SYTL2: variants seen among roughly 807,000 people sequenced by gnomAD.
SYTL2 encodes synaptotagmin-like protein 2.
In SYTL2, 165 loss-of-function variants were observed where a neutral mutation model predicts 198.7. The observed-to-expected ratio is 0.83, with a 90% CI of 0.73 to 0.94. The LOEUF (loss-of-function observed/expected upper bound fraction) is 0.94. Ranked by LOEUF, SYTL2 falls within the 40% of genes least tolerant of loss-of-function variation. The pLI is 0.00. For synonymous variants in SYTL2, 966 were observed against 917.7 expected (o/e 1.05, Z -0.95); for missense variants, 2,835 against 2,582.8 (o/e 1.10, Z -2.12).
Position 85,724,260 on chromosome 11 carries a change from C to G in SYTL2, c.5098G>C (p.Glu1700Gln). The change falls in exon 8 of 20, where the codon GAA becomes CAA. Residue 1700 changes from glutamate (E) to glutamine (Q), a missense_variant. Transcript: ENST00000359152. ...TCAGAAGCCTCTCCAAAGCCAGGTT[C>G]CTGAAGAGTCCCTTGTCCCCCTGCA... The part of the protein sequence containing the change: ...GVAGGQGTLQ[E>Q]PGFGEASEAI... The G allele has an allele frequency of 1.3e-6, 2 of 1,566,124 alleles. No homozygotes were observed. Among genetic ancestry groups the G allele is most frequent in the Non-Finnish European group, 1.7e-6 (2 of 1,161,986 alleles).
chr11:85,719,177 T>A, intron 9 of SYTL2: 2 of 1,314,452 alleles, frequency 1.5e-6, no homozygotes, highest in Non-Finnish European at 2.0e-6. Context: ...GTAAAGGGTA[T>A]GATGCTAGCC....
In SYTL2 at chr11:85,757,949, G is replaced by C; in HGVS notation, c.-224C>G. The C allele has an allele frequency of 5.6e-6, 3 of 535,412 alleles. No individual in the cohort carries two copies. Among genetic ancestry groups the C allele is most frequent in the Non-Finnish European group, 6.6e-6 (2 of 303,106 alleles). 33.2% of individuals were successfully genotyped at this position (535,412 alleles called of 1,614,324 possible). ...AAGTCCTGGTCTGTGGGATAGTGTCGAGAAGAGGCTCTCAGAAGGATGCTG... is the reference window on the plus strand; with the variant it reads ...AAGTCCTGGTCTGTGGGATAGTGTCCAGAAGAGGCTCTCAGAAGGATGCTG... On this transcript the variant is annotated 5_prime_UTR_variant, in exon 2 of 20. Transcript: ENST00000359152.
chr11:85,695,194 C>T lies in SYTL2; in HGVS notation c.*1G>A. On this transcript the variant is annotated 3_prime_UTR_variant, in exon 20 of 20. Coordinates refer to ENST00000359152, the MANE Select transcript of SYTL2 (RefSeq NM_206927.4). Reference sequence around the variant, plus strand: ...AGTGGAGGAGCCAGTGGAATTTGGGCTCATTTGGAAATCTTGGCAATCAAA... The same window carrying T: ...AGTGGAGGAGCCAGTGGAATTTGGGTTCATTTGGAAATCTTGGCAATCAAA... 2 of 1,609,822 alleles carry T rather than the reference C, an allele frequency of 1.2e-6. No individual in the cohort carries two copies. The highest frequency in any genetic ancestry group is 1.7e-6 in the Non-Finnish European group (2 of 1,177,472).
Position 85,736,604 on chromosome 11 carries a change from A to G in SYTL2, c.483T>C (p.Asn161=). Residue 161 remains asparagine, a synonymous_variant, in exon 6 of 20, where the codon AAT becomes AAC. Coordinates refer to ENST00000359152, the MANE Select transcript of SYTL2 (RefSeq NM_206927.4). ...CTGGCAACTTGGAGCTATTAAACGG[A>G]TTCTTCCTCTGCTGGGGACAAATAT... ...PNVSPEKQRK[N]PFNSSKLPEG... 1 of 1,560,880 alleles carries G rather than the reference A, an allele frequency of 6.4e-7. No homozygotes were observed. Among genetic ancestry groups the G allele is most frequent in the South Asian group, 1.1e-5 (1 of 88,910 alleles).
At chr11:85,835,411 A>C in the SYTL2 span, among the ~76,000 whole-genome samples, 1 of 152,222 alleles carries the variant, frequency 6.6e-6, no homozygotes, top group Non-Finnish European at 1.5e-5. Context: ...ATATAACAAA[A>C]ATGCATACAA....
intron 1 of SYTL2, among the ~76,000 whole-genome samples, chr11:85,760,135 T>C (rs139815043): frequency 9.8e-5 from 15 of 152,328 alleles, no homozygotes; most frequent in African/African-American, 3.6e-4. Context: ...CCACATGCCA[T>C]GAGAAGAGCT....
chr11:85,792,197 A>G (rs569711203), intron 1 of SYTL2, among the ~76,000 whole-genome samples: 2 of 152,104 alleles, frequency 1.3e-5, no homozygotes, highest in East Asian at 3.9e-4. Context: ...TTACTTGGGA[A>G]ACCATGACAC....
intron 1 of SYTL2, among the ~76,000 whole-genome samples, chr11:85,774,690 G>T (rs193200646): frequency 6.6e-6 from 1 of 152,162 alleles, no homozygotes; most frequent in Non-Finnish European, 1.5e-5. Flanking sequence ...GAAGTATGAG[G>T]TTATAGCATC....
Position 85,745,700 on chromosome 11 carries a change from A to C in SYTL2, c.326T>G (p.Leu109Arg). The change falls in exon 4 of 20, where the codon CTT (leucine) becomes CGT (arginine). Residue 109 changes from leucine to arginine, a missense_variant. This residue lies in a region of SYTL2 where 2,645 missense variants were observed against 2,381.7 expected (regional missense o/e 1.11). Transcript: ENST00000359152. ...WVNNVNKDAF[L>R]PPELAGVVEE... ...TACAACGCCAGCCAGCTCTGGAGGA[A>C]GGAAAGCATCTTTGTTGACATTATT... 6.2e-7 allele frequency: 1 copy of C among 1,613,964 alleles called. No individual in the cohort carries two copies. Among genetic ancestry groups the C allele is most frequent in the Non-Finnish European group, 8.5e-7 (1 of 1,179,842 alleles).
At chr11:85,785,782 A>G (rs984057128) in intron 1 of SYTL2, among the ~76,000 whole-genome samples, 5 of 152,174 alleles carry the variant, frequency 3.3e-5, no homozygotes, top group East Asian at 1.9e-4. Flanking sequence ...TCACTCATCT[A>G]TTTCTCAGTA....
the SYTL2 span, among the ~76,000 whole-genome samples, chr11:85,828,364 C>T: frequency 6.6e-6 from 1 of 152,174 alleles, no homozygotes; most frequent in African/African-American, 2.4e-5. Context: ...AAAATGATCT[C>T]TTTAGATAGT....
chr11:85,807,161 C>T (rs1372748308), intron 1 of SYTL2, among the ~76,000 whole-genome samples: 1 of 152,262 alleles, frequency 6.6e-6, no homozygotes, highest in Non-Finnish European at 1.5e-5. Flanking sequence ...GAACAATTCC[C>T]TTGAGTGGCA....
chr11:85,759,772 T>G (rs1475930359), intron 1 of SYTL2, among the ~76,000 whole-genome samples: 6 of 17,706 alleles, frequency 3.4e-4, no homozygotes, highest in African/African-American at 1.1e-3. Context: ...CATTACTTCA[T>G]TTTCTTTTTA....
At chr11:85,802,220 C>CTT (rs5793172) in intron 1 of SYTL2, among the ~76,000 whole-genome samples, 2,803 of 122,544 alleles carry the variant, frequency 0.023, 135 homozygotes, top group African/African-American at 0.059. Flanking sequence ...TTTTTCTTTT[C>CTT]TTTTTTTTTT....
At chr11:85,802,060 C>T (rs575567401) in intron 1 of SYTL2, among the ~76,000 whole-genome samples, 16 of 152,056 alleles carry the variant, frequency 1.1e-4, no homozygotes, top group Admixed American at 2.0e-4. Context: ...GTGATCCACA[C>T]GCCTCAGGCT....
At chr11:85,814,479 C>T (rs2093059249), upstream of SYTL2, among the ~76,000 whole-genome samples, 1 of 152,146 alleles carries the variant, frequency 6.6e-6, no homozygotes, top group African/African-American at 2.4e-5. Flanking sequence ...AGGGCATGGG[C>T]CTGAAAGAGT....
intron 1 of SYTL2, among the ~76,000 whole-genome samples, chr11:85,760,243 C>T (rs1379514776): frequency 2.0e-5 from 3 of 152,128 alleles, no homozygotes; most frequent in African/African-American, 7.2e-5. Flanking sequence ...CCCTGCTGAC[C>T]TATAGATATA....
chr11:85,813,180 T>C (rs1343554213), upstream of SYTL2, among the ~76,000 whole-genome samples: 1 of 152,148 alleles, frequency 6.6e-6, no homozygotes, highest in Non-Finnish European at 1.5e-5. Context: ...TGGCTCCCAA[T>C]TCATCTAAAT....
chr11:85,818,069 AT>A, the SYTL2 span, among the ~76,000 whole-genome samples: 1 of 151,610 alleles, frequency 6.6e-6, no homozygotes, highest in African/African-American at 2.4e-5. Context: ...TGCCCAGCTA[AT>A]TTTTGTAGTT....
Sources: gnomAD v4.1 joint callset for allele counts (sites outside exome capture counted in the v4.1 genomes callset) on GRCh38, gnomAD v4.1.1 for gene constraint, gnomAD v4.1.1 regional missense constraint, MANE v1.5 for transcripts, NCBI Gene and HGNC (gene_info 2026-07-23, HGNC 2026-07-21) for gene names.